NFIB: variants seen among roughly 807,000 people sequenced by gnomAD.
The protein encoded by NFIB is nuclear factor I B.
In NFIB, 11 loss-of-function variants were observed where a neutral mutation model predicts 61.5. That is an observed-to-expected ratio of 0.18 (90% CI 0.11 to 0.30). The LOEUF is 0.30. Ranked by LOEUF, NFIB falls within the 10% of genes least tolerant of loss-of-function variation. The pLI is 1.00. For synonymous variants in NFIB, 260 were observed against 216.5 expected (o/e 1.20, Z -1.76); for missense variants, 471 against 608.9 (o/e 0.77, Z 2.38).
intron 6 of NFIB, among the ~76,000 whole-genome samples, chr9:14,136,237 A>C (rs1453939556): frequency 1.3e-5 from 2 of 152,224 alleles, no homozygotes; most frequent in Admixed American, 6.5e-5. Context: ...CAGACAGACA[A>C]TGATAAAGGG....
At position 14,370,964 on chromosome 9, in the gene NFIB, G is replaced by A. The variant is rs543564260; in HGVS notation, c.108+27560C>T. Among the ~76,000 whole-genome samples the A allele has an allele frequency of 2.0e-5, 3 of 152,170 alleles. No individual in the cohort carries two copies. The South Asian group carries it at 6.2e-4, about 32-fold the overall frequency. ...ACAAAAATTAGCCGGGCATGATGGT[G>A]GGCACCTGTAATCCCAGCTATTCAG... is the stretch of plus-strand genomic sequence containing the variant. On this transcript the variant is annotated intron_variant, in intron 1 of 8. Coordinates refer to the NFIB transcript ENST00000380934.
chr9:14,141,863 T>C lies in NFIB; in HGVS notation c.925+4826A>G, dbSNP rs188063148. On this transcript the variant is annotated intron_variant, in intron 6 of 10. Transcript: ENST00000380953. ...TCCCCCTTCCACACTGTGGAAGCTTTGTTCTTTCACTCTTTGCAATAAATC... is the reference window on the plus strand; with the variant it reads ...TCCCCCTTCCACACTGTGGAAGCTTCGTTCTTTCACTCTTTGCAATAAATC... 5.2e-3 allele frequency among the ~76,000 whole-genome samples: 768 copies of C among 147,046 alleles called. 7 individuals are homozygous for C. The highest frequency in any genetic ancestry group is 0.017 in the African/African-American group (673 of 39,228).
chr9:14,348,593 C>T (rs938396607), intron 1 of NFIB, among the ~76,000 whole-genome samples: 5 of 152,246 alleles, frequency 3.3e-5, no homozygotes, highest in African/African-American at 1.2e-4. Context: ...AGGCCAGCGC[C>T]CGGGTGAAAC....
chr9:14,085,286 G>A lies in NFIB; in HGVS notation c.*3023C>T. Reference sequence around the variant, plus strand: ...GTTTATTTTATTAGGCCATGGCCTAGGGGAAGGGGGCCAGGGGACTCCTTA... The same window carrying A: ...GTTTATTTTATTAGGCCATGGCCTAAGGGAAGGGGGCCAGGGGACTCCTTA... On this transcript the variant is annotated 3_prime_UTR_variant, in exon 11 of 11. Transcript: ENST00000380953. 1 of 226,260 alleles carries A rather than the reference G, an allele frequency of 4.4e-6. No homozygotes were observed. Among genetic ancestry groups the A allele is most frequent in the Middle Eastern group, 1.3e-3 (1 of 760 alleles). 14.0% of individuals were successfully genotyped at this position (226,260 alleles called of 1,614,324 possible). A position where few individuals can be genotyped will look rare whatever the true frequency, so the allele number is the denominator to read the frequency against.
At chr9:14,420,078 G>A in the NFIB span, among the ~76,000 whole-genome samples, 1,255 of 152,208 alleles carry the variant, frequency 8.2e-3, 25 homozygotes, top group African/African-American at 0.029. Context: ...AGATGAACAA[G>A]TATAGTCCCC....
chr9:14,363,097 T>C (rs776087437), intron 1 of NFIB, among the ~76,000 whole-genome samples: 2 of 152,188 alleles, frequency 1.3e-5, no homozygotes, highest in Admixed American at 1.3e-4. Flanking sequence ...AAAATGGGGA[T>C]CTGCTAGAGA....
chr9:14,352,616 T>C (rs1329381770), intron 1 of NFIB, among the ~76,000 whole-genome samples: 2 of 152,244 alleles, frequency 1.3e-5, no homozygotes, highest in East Asian at 1.9e-4. Context: ...AGTGTTTCCA[T>C]GCTCTGTCAC....
Position 14,230,318 on chromosome 9 carries a change from G to A in NFIB, c.563-50538C>T, listed in dbSNP as rs75454247. 5.4e-3 allele frequency among the ~76,000 whole-genome samples: 826 copies of A among 152,280 alleles called. 6 individuals carry two copies. Among genetic ancestry groups the A allele is most frequent in the African/African-American group, 0.019 (786 of 41,550 alleles). ...TAGAGCTTTGAGTTCATCAGGGAAG[G>A]CAGAACTTGTCCAAGCTATATGACT... On this transcript the variant is annotated intron_variant, in intron 2 of 10. Coordinates refer to ENST00000380953, the MANE Select transcript of NFIB (RefSeq NM_001190737.2).
the NFIB span, among the ~76,000 whole-genome samples, chr9:14,440,293 T>C: frequency 6.6e-6 from 1 of 152,198 alleles, no homozygotes; most frequent in Non-Finnish European, 1.5e-5. Context: ...GATTGAAATA[T>C]TGAATTGGCC....
intron 5 of NFIB, 44 bp from the exon 6 acceptor site, chr9:14,146,851 A>G (rs765209540): frequency 6.3e-7 from 1 of 1,588,988 alleles, no homozygotes; most frequent in African/African-American, 1.4e-5. Context: ...ATTTCTGGGA[A>G]GATGTGTACA....
intron 2 of NFIB, among the ~76,000 whole-genome samples, chr9:14,220,842 T>TACACCCCCCCCC (rs762429739): frequency 8.1e-6 from 1 of 123,020 alleles, no homozygotes; most frequent in East Asian, 2.8e-4. Context: ...TCAATCTCCC[T>TACACCCCCCCCC]ACACACACAC....
At chr9:14,372,130 A>C (rs1205296189) in intron 1 of NFIB, among the ~76,000 whole-genome samples, 1 of 151,636 alleles carries the variant, frequency 6.6e-6, no homozygotes, top group African/African-American at 2.4e-5. Context: ...TTCAAAGTGG[A>C]GATAGATATT....
At chr9:14,472,698 G>A in the NFIB span, among the ~76,000 whole-genome samples, 3 of 151,956 alleles carry the variant, frequency 2.0e-5, no homozygotes, top group Admixed American at 6.6e-5. Context: ...AAAATTAGCC[G>A]GGCGTCGTGG....
In NFIB at chr9:14,361,908, C is replaced by G. The variant is rs900817892; in HGVS notation, c.108+36616G>C. 4 of 152,282 alleles carry G rather than the reference C, an allele frequency of 2.6e-5. No individual in the cohort carries two copies. The East Asian group carries it at 7.7e-4, about 29-fold the overall frequency. 9.4% of individuals were successfully genotyped at this position (152,282 alleles called of 1,614,324 possible). ...AAGGAGCTTTTAAATCTTACTCATT[C>G]TTGATAATGCTGGCTAATGAGAAGC... On this transcript the variant is annotated intron_variant, in intron 1 of 8. Transcript: ENST00000380934.
At chr9:14,145,593 C>T (rs2042192152) in intron 6 of NFIB, among the ~76,000 whole-genome samples, 1 of 151,882 alleles carries the variant, frequency 6.6e-6, no homozygotes, top group Non-Finnish European at 1.5e-5. Context: ...AGTACCCCAA[C>T]CCTCACCAAT....
chr9:14,303,755 C>T (rs2059877342), intron 2 of NFIB, among the ~76,000 whole-genome samples: 1 of 152,186 alleles, frequency 6.6e-6, no homozygotes, highest in Non-Finnish European at 1.5e-5. Flanking sequence ...AACACAGTGT[C>T]TGCCTTTTTT....
chr9:14,463,659 CT>C, the NFIB span, among the ~76,000 whole-genome samples: 49 of 65,812 alleles, frequency 7.4e-4, no homozygotes, highest in Admixed American at 1.6e-3. Context: ...ATTTGATTTT[CT>C]TTTTTTTTTT....
intron 2 of NFIB, among the ~76,000 whole-genome samples, chr9:14,212,432 C>G (rs1448056240): frequency 6.6e-6 from 1 of 152,078 alleles, no homozygotes; most frequent in Non-Finnish European, 1.5e-5. Context: ...GTACAGTACA[C>G]CATGTCACAA....
chr9:14,378,990 T>G (rs539113655), intron 1 of NFIB, among the ~76,000 whole-genome samples: 4 of 152,252 alleles, frequency 2.6e-5, no homozygotes, highest in African/African-American at 9.6e-5. Flanking sequence ...GAAAGGCATT[T>G]GAGATGATAG....
Sources: gnomAD v4.1 joint callset for allele counts (sites outside exome capture counted in the v4.1 genomes callset) on GRCh38, gnomAD v4.1.1 for gene constraint, MANE v1.5 for transcripts, NCBI Gene and HGNC (gene_info 2026-07-23, HGNC 2026-07-21) for gene names.